AP3B1: variants seen among roughly 807,000 people sequenced by gnomAD.
The protein encoded by AP3B1 is AP-3 complex subunit beta-1.
A neutral mutation model predicts 132.5 loss-of-function variants in AP3B1; 61 were observed. That is an observed-to-expected ratio of 0.46 (90% confidence interval 0.37 to 0.57). AP3B1 has a LOEUF of 0.57. Among genes scored for constraint, AP3B1 ranks in the 20% least tolerant of loss-of-function variants. The pLI, the probability that AP3B1 is intolerant of heterozygous loss-of-function variation, is 0.00. For missense variants in AP3B1, 1,120 were observed against 1,289.4 expected, an observed-to-expected ratio of 0.87 and a Z score of 2.01; for synonymous variants, 388 against 438.3, an observed-to-expected ratio of 0.89 and a Z score of 1.43.
chr5:78,291,162 T>C (rs994610228), intron 1 of AP3B1, among the ~76,000 whole-genome samples: 3 of 151,640 alleles, frequency 2.0e-5, no homozygotes, highest in Non-Finnish European at 4.4e-5. Flanking sequence ...AAAACAAAAA[T>C]TGCCGATAAT....
intron 19 of AP3B1, 75 bp from the exon 20 acceptor site, chr5:78,110,429 A>C: frequency 8.8e-7 from 1 of 1,137,404 alleles, no homozygotes; most frequent in African/African-American, 1.6e-5. Context: ...AATTGTTTTT[A>C]AATTCCAGAA....
chr5:78,154,088 T>C (rs1050906448), intron 14 of AP3B1, among the ~76,000 whole-genome samples: 6 of 152,204 alleles, frequency 3.9e-5, no homozygotes, highest in African/African-American at 1.4e-4. Flanking sequence ...ATCCTTTTCT[T>C]TCAGATTGAA....
chr5:78,197,889 A>C (rs1426026287), intron 7 of AP3B1, among the ~76,000 whole-genome samples: 1 of 152,216 alleles, frequency 6.6e-6, no homozygotes, highest in Admixed American at 6.5e-5. Flanking sequence ...AACTTCTAGT[A>C]TTAATAAAAC....
At position 78,002,682 on chromosome 5, in the gene AP3B1, A is replaced by G; in HGVS notation, c.*220T>C. On this transcript the variant is annotated 3_prime_UTR_variant, in exon 27 of 27. Coordinates refer to ENST00000255194, the MANE Select transcript of AP3B1 (RefSeq NM_003664.5). ...GGATTCAAGAGTTGAGACAACTGAC[A>G]GTAAAATATATGCTCTTTGGTTAGC... 1 of 620,684 alleles carries G rather than the reference A, an allele frequency of 1.6e-6. No individual in the cohort carries two copies. Among genetic ancestry groups the G allele is most frequent in the East Asian group, 2.7e-5 (1 of 36,572 alleles). 38.4% of individuals were successfully genotyped at this position (620,684 alleles called of 1,614,324 possible). A position where few individuals can be genotyped will look rare whatever the true frequency, so the allele number is the denominator to read the frequency against.
At chr5:78,179,998 A>G (rs1404585176) in intron 8 of AP3B1, among the ~76,000 whole-genome samples, 1 of 152,186 alleles carries the variant, frequency 6.6e-6, no homozygotes, top group Non-Finnish European at 1.5e-5. Flanking sequence ...AAGTATTTGA[A>G]CTATAAAATC....
chr5:78,141,557 G>A (rs780724794), intron 14 of AP3B1, among the ~76,000 whole-genome samples: 15 of 152,074 alleles, frequency 9.9e-5, no homozygotes, highest in Admixed American at 3.3e-4. Context: ...AGCAAAAACC[G>A]ATGGTCTAGA....
intron 21 of AP3B1, among the ~76,000 whole-genome samples, chr5:78,090,100 T>C (rs1242447903): frequency 6.6e-6 from 1 of 152,178 alleles, no homozygotes; most frequent in Non-Finnish European, 1.5e-5. Context: ...TGCTTAAGAC[T>C]CTTCAAAGGC....
intron 21 of AP3B1, among the ~76,000 whole-genome samples, chr5:78,099,844 G>A (rs896375893): frequency 2.0e-5 from 3 of 151,902 alleles, no homozygotes; most frequent in Non-Finnish European, 4.4e-5. Flanking sequence ...AGCCGAGGTA[G>A]TGCCACTACA....
intron 22 of AP3B1, among the ~76,000 whole-genome samples, chr5:78,078,103 A>G (rs191735889): frequency 1.3e-5 from 2 of 151,966 alleles, no homozygotes; most frequent in East Asian, 3.9e-4. Context: ...GTTGGCCCTA[A>G]TTTTTCACTA....
chr5:78,140,254 T>C (rs991784862), intron 15 of AP3B1, among the ~76,000 whole-genome samples: 1 of 152,126 alleles, frequency 6.6e-6, no homozygotes. Context: ...CTATTAAAAG[T>C]GGTTTCCCTT....
At chr5:78,037,635 C>A (rs1181553910) in intron 23 of AP3B1, among the ~76,000 whole-genome samples, 1 of 152,048 alleles carries the variant, frequency 6.6e-6, no homozygotes, top group East Asian at 1.9e-4. Flanking sequence ...TTCAGCAATG[C>A]CAAAGAGCTC....
chr5:78,233,914 A>G (rs1190718138), intron 3 of AP3B1, among the ~76,000 whole-genome samples: 1 of 152,180 alleles, frequency 6.6e-6, no homozygotes, highest in East Asian at 1.9e-4. Flanking sequence ...TACCCCTAAC[A>G]AAAGAGGAGA....
At chr5:78,082,534 T>G (rs1284072041) in intron 22 of AP3B1, among the ~76,000 whole-genome samples, 1 of 152,256 alleles carries the variant, frequency 6.6e-6, no homozygotes, top group East Asian at 1.9e-4. Flanking sequence ...ATTATCTCCA[T>G]TTTGTAAATT....
intron 3 of AP3B1, among the ~76,000 whole-genome samples, chr5:78,239,447 G>C (rs1747021486): frequency 7.3e-6 from 1 of 137,918 alleles, no homozygotes; most frequent in South Asian, 2.4e-4. Flanking sequence ...CTCCAGCCTG[G>C]GAGATAGAGA....
chr5:78,004,274 A>G lies in AP3B1; in HGVS notation c.3132-1219T>C, dbSNP rs373056874. On this transcript the variant is annotated intron_variant, in intron 26 of 26. Coordinates refer to ENST00000255194, the MANE Select transcript of AP3B1 (RefSeq NM_003664.5). ...CACGCTGCGGACTATTCAAGAGCAA[A>G]CCAACTGGTCAGTGTCTCATGTCTG... Among the ~76,000 whole-genome samples the G allele has an allele frequency of 5.5e-4, 83 of 152,286 alleles. 2 individuals are homozygous for G. In the South Asian group the frequency reaches 0.017, roughly 30 times the overall value.
chr5:78,215,797 C>G (rs1235902108), intron 7 of AP3B1, among the ~76,000 whole-genome samples: 1 of 152,204 alleles, frequency 6.6e-6, no homozygotes, highest in Non-Finnish European at 1.5e-5. Flanking sequence ...CTCCTCCTAA[C>G]AAGGGCCTCT....
chr5:78,206,413 G>A (rs1745506940), intron 7 of AP3B1, among the ~76,000 whole-genome samples: 1 of 152,020 alleles, frequency 6.6e-6, no homozygotes, highest in Admixed American at 6.6e-5. Flanking sequence ...CTTAACAGAT[G>A]AAACAATTAT....
At chr5:78,288,034 G>A (rs1289379281) in intron 1 of AP3B1, among the ~76,000 whole-genome samples, 1 of 152,176 alleles carries the variant, frequency 6.6e-6, no homozygotes. Context: ...TTCACAATGA[G>A]GAAGGAGCCC....
At chr5:78,242,106 C>T (rs1475677876) in intron 2 of AP3B1, among the ~76,000 whole-genome samples, 2 of 152,154 alleles carry the variant, frequency 1.3e-5, no homozygotes, top group Non-Finnish European at 2.9e-5. Context: ...TGTCAGCCCC[C>T]GTAAAAGATT....
Sources: allele counts gnomAD v4.1 joint callset (sites outside exome capture counted in the v4.1 genomes callset), GRCh38; gene constraint gnomAD v4.1.1; transcripts MANE v1.5; gene names NCBI Gene and HGNC (gene_info 2026-07-23, HGNC 2026-07-21).